Variants in CYB5R4 observed in about 807,000 individuals in gnomAD.
CYB5R4 encodes the protein N-terminal cytochrome b5 and cytochrome b5 oxidoreductase domain-containing protein.
A neutral mutation model predicts 70.2 loss-of-function variants in CYB5R4; 55 were observed. The observed-to-expected ratio is 0.78, with a 90% CI of 0.63 to 0.98. The LOEUF is 0.98. CYB5R4 is among the 50% of genes least tolerant of loss of function. The pLI is 0.00. For missense variants in CYB5R4, 562 were observed against 612.6 expected (o/e 0.92, Z 0.87); for synonymous variants, 197 against 199.5 (o/e 0.99, Z 0.11).
At chr6:83,927,263 C>G (rs187174223) in intron 10 of CYB5R4, among the ~76,000 whole-genome samples, 2 of 152,182 alleles carry the variant, frequency 1.3e-5, no homozygotes, top group African/African-American at 4.8e-5. Flanking sequence ...TCTTACCGCT[C>G]CACTCAGAAC....
intron 2 of CYB5R4, among the ~76,000 whole-genome samples, chr6:83,868,388 T>A (rs1256402567): frequency 6.6e-6 from 1 of 152,196 alleles, no homozygotes; most frequent in African/African-American, 2.4e-5. Context: ...TGCTTCATGT[T>A]CAGGTGTGCC....
intron 14 of CYB5R4, among the ~76,000 whole-genome samples, chr6:83,953,448 G>T (rs2099471838): frequency 6.6e-6 from 1 of 151,378 alleles, no homozygotes; most frequent in Non-Finnish European, 1.5e-5. Context: ...TACTACAGTT[G>T]CAGGCATTTT....
intron 6 of CYB5R4, among the ~76,000 whole-genome samples, 184 bp from the exon 7 acceptor site, chr6:83,919,213 A>G (rs1416092889): frequency 6.6e-6 from 1 of 152,190 alleles, no homozygotes; most frequent in Non-Finnish European, 1.5e-5. Context: ...TTTTAAATTT[A>G]GAAATAGTTG....
At chr6:83,932,709 A>G (rs1258772432) in intron 10 of CYB5R4, among the ~76,000 whole-genome samples, 1 of 152,094 alleles carries the variant, frequency 6.6e-6, no homozygotes, top group Non-Finnish European at 1.5e-5. Context: ...ATGACCCCAA[A>G]TCTACTTCTA....
chr6:83,891,372 A>G (rs1215988101), intron 2 of CYB5R4, among the ~76,000 whole-genome samples: 1 of 152,230 alleles, frequency 6.6e-6, no homozygotes, highest in Non-Finnish European at 1.5e-5. Flanking sequence ...ATAAAGCACG[A>G]AGAAAAAGCA....
intron 15 of CYB5R4, 28 bp downstream of exon 15, chr6:83,955,490 C>G (rs775310403): frequency 6.3e-7 from 1 of 1,581,672 alleles, no homozygotes; most frequent in East Asian, 2.3e-5. Flanking sequence ...AGGAAACAGA[C>G]TGCCCAACAC....
At chr6:83,868,838 C>T (rs2099457134) in intron 2 of CYB5R4, among the ~76,000 whole-genome samples, 1 of 152,154 alleles carries the variant, frequency 6.6e-6, no homozygotes, top group Admixed American at 6.6e-5. Context: ...AGTAATGATG[C>T]ATTAAGTAGT....
At chr6:83,944,354 GAAATA>G (rs889085106) in intron 14 of CYB5R4, among the ~76,000 whole-genome samples, 2 of 152,116 alleles carry the variant, frequency 1.3e-5, no homozygotes, top group African/African-American at 4.8e-5. Context: ...AAGCAAAGGA[GAAATA>G]AAATCCTTTA....
At chr6:83,924,714 A>T in intron 10 of CYB5R4, 122 bp downstream of exon 10, 1 of 1,032,332 alleles carries the variant, frequency 9.7e-7, no homozygotes, top group East Asian at 2.5e-5. Flanking sequence ...ATCTACTGCT[A>T]GGAAGTTTGA....
rs190074306 is a variant in CYB5R4 at position 83,961,316 on chromosome 6, A to G, written c.*1438A>G. The G allele has an allele frequency of 4.0e-5, 6 of 151,482 alleles. No homozygotes were observed. The highest frequency in any genetic ancestry group is 2.0e-4 in the East Asian group (1 of 5,126). 9.4% of individuals were successfully genotyped at this position (151,482 alleles called of 1,614,324 possible). A position where few individuals can be genotyped will look rare whatever the true frequency, so the allele number is the denominator to read the frequency against. ...TTTTCTAGCTTCATGCCTTCCCCCT[A>G]CTTATTTTTTTCCATCTAAGGGTGA... is the stretch of plus-strand genomic sequence containing the variant. On this transcript the variant is annotated 3_prime_UTR_variant, in exon 16 of 16. Coordinates refer to ENST00000369681, the MANE Select transcript of CYB5R4 (RefSeq NM_016230.4).
At chr6:83,864,408 T>C in intron 2 of CYB5R4, 80 bp downstream of exon 2, 1 of 1,293,406 alleles carries the variant, frequency 7.7e-7, no homozygotes, top group Non-Finnish European at 1.1e-6. Flanking sequence ...CACAGTCATG[T>C]TATTTTAAAC....
intron 14 of CYB5R4, among the ~76,000 whole-genome samples, chr6:83,945,636 G>T (rs71568900): frequency 0.036 from 5,536 of 152,104 alleles, 120 homozygotes; most frequent in Middle Eastern, 0.048. Context: ...TCCAGGAGCT[G>T]GTATTTTGAA....
At chr6:83,887,034 A>G (rs193243540) in intron 2 of CYB5R4, among the ~76,000 whole-genome samples, 1 of 152,296 alleles carries the variant, frequency 6.6e-6, no homozygotes, top group East Asian at 1.9e-4. Flanking sequence ...ATCAGAGGCA[A>G]TTGGGGTTAA....
chr6:83,871,243 T>C (rs888239447), intron 2 of CYB5R4, among the ~76,000 whole-genome samples: 1 of 152,158 alleles, frequency 6.6e-6, no homozygotes, highest in African/African-American at 2.4e-5. Flanking sequence ...CCTCCCAGAC[T>C]GCTGGGATTA....
intron 10 of CYB5R4, among the ~76,000 whole-genome samples, chr6:83,926,832 C>T (rs2099467370): frequency 6.6e-6 from 1 of 152,204 alleles, no homozygotes; most frequent in Non-Finnish European, 1.5e-5. Flanking sequence ...ATCCAAGCTT[C>T]TTAAATGAAC....
chr6:83,955,549 T>C, intron 15 of CYB5R4, 87 bp downstream of exon 15: 1 of 1,230,260 alleles, frequency 8.1e-7, no homozygotes. Context: ...TTCCTGTTTA[T>C]ATGAAACTGC....
intron 4 of CYB5R4, among the ~76,000 whole-genome samples, chr6:83,914,005 A>G (rs536454794): frequency 6.6e-6 from 1 of 152,346 alleles, no homozygotes; most frequent in African/African-American, 2.4e-5. Flanking sequence ...AAGATAAGGC[A>G]TCTTTCTTTG....
At chr6:83,887,658 A>G (rs2099460463) in intron 2 of CYB5R4, among the ~76,000 whole-genome samples, 1 of 152,050 alleles carries the variant, frequency 6.6e-6, no homozygotes, top group Admixed American at 6.6e-5. Context: ...CAACCGTTGT[A>G]TTTTAGTTTT....
At chr6:83,878,708 T>C (rs943502559) in intron 2 of CYB5R4, among the ~76,000 whole-genome samples, 4 of 151,658 alleles carry the variant, frequency 2.6e-5, no homozygotes, top group Non-Finnish European at 4.4e-5. Flanking sequence ...GAAACTGTGG[T>C]ATTTACACTC....
Sources: gnomAD v4.1 joint callset for allele counts (sites outside exome capture counted in the v4.1 genomes callset) on GRCh38, gnomAD v4.1.1 for gene constraint, MANE v1.5 for transcripts, NCBI Gene and HGNC (gene_info 2026-07-23, HGNC 2026-07-21) for gene names.